The following PLCB4 variants were observed in gnomAD, a reference collection of about 807,000 sequenced individuals.
PLCB4 encodes the protein phospholipase C beta 4, also known as 1-phosphatidylinositol 4,5-bisphosphate phosphodiesterase beta-4.
Under a neutral mutation model 178.8 loss-of-function variants are expected in PLCB4, and 77 were observed. The ratio of observed to expected loss-of-function variants is 0.43; its 90% CI spans 0.36 to 0.52. The LOEUF is 0.52. Ranked by LOEUF, PLCB4 falls within the 20% of genes least tolerant of loss-of-function variation. The pLI is 0.00. For synonymous variants in PLCB4, 496 were observed against 490.8 expected (o/e 1.01, Z -0.14); for missense variants, 1,024 against 1,453.4 (o/e 0.70, Z 4.80).
intron 2 of PLCB4, among the ~76,000 whole-genome samples, chr20:9,135,667 T>C (rs2092367955): frequency 2.0e-5 from 3 of 152,168 alleles, no homozygotes; most frequent in African/African-American, 7.2e-5. Flanking sequence ...ATTGGTTATA[T>C]TTATGCTGTC....
chr20:9,260,246 T>C (rs191546194), intron 3 of PLCB4, among the ~76,000 whole-genome samples: 13 of 152,148 alleles, frequency 8.5e-5, no homozygotes, highest in Admixed American at 5.2e-4. Context: ...TAAGAAAAAA[T>C]AAATAAAATA....
At chr20:9,442,770 C>T (rs2042185818) in intron 30 of PLCB4, among the ~76,000 whole-genome samples, 1 of 152,156 alleles carries the variant, frequency 6.6e-6, no homozygotes, top group Admixed American at 6.5e-5. Flanking sequence ...TAGAGAGCCC[C>T]ATGGACCCTT....
rs151065838 is a variant in PLCB4 at position 9,308,779 on chromosome 20, A to G, written c.84+881A>G. 6.4e-4 allele frequency among the ~76,000 whole-genome samples: 98 copies of G among 152,304 alleles called. No individual in the cohort carries two copies. The Middle Eastern group carries it at 0.014, about 21-fold the overall frequency. On this transcript the variant is annotated intron_variant, in intron 4 of 39. Transcript: ENST00000378473. ...CAGGGTGCATCTCTAGATTTACAGG[A>G]TAGTCACTTTTTAAGTAAACAAAAT...
chr20:9,227,630 G>A (rs1262327451), intron 3 of PLCB4, among the ~76,000 whole-genome samples: 1 of 152,064 alleles, frequency 6.6e-6, no homozygotes, highest in African/African-American at 2.4e-5. Flanking sequence ...TCTATTGGCT[G>A]TAGATTTGTG....
chr20:9,402,288 C>T (rs967718361), intron 20 of PLCB4, among the ~76,000 whole-genome samples: 1 of 152,110 alleles, frequency 6.6e-6, no homozygotes, highest in Admixed American at 6.5e-5. Context: ...GAAACCAGAA[C>T]GCAAAGGGTC....
chr20:9,134,051 C>T lies in PLCB4; in HGVS notation c.-79+37709C>T, dbSNP rs574744658. On this transcript the variant is annotated intron_variant, in intron 2 of 39. Transcript: ENST00000378473. ...CAAGGCACTGTCTTTTGCCCCAAGGCGGCATTAACATTAATTTAGCATAAT... is the reference window on the plus strand; with the variant it reads ...CAAGGCACTGTCTTTTGCCCCAAGGTGGCATTAACATTAATTTAGCATAAT... Among the ~76,000 whole-genome samples the T allele has an allele frequency of 1.7e-4, 26 of 152,304 alleles. No homozygotes were observed. The South Asian group carries it at 2.9e-3, about 17-fold the overall frequency.
At chr20:9,472,951 T>C in intron 37 of PLCB4, 104 bp downstream of exon 37, 1 of 668,650 alleles carries the variant, frequency 1.5e-6, no homozygotes, top group South Asian at 2.1e-5. Context: ...TTGATTTTTC[T>C]GTACATTAAA....
intron 2 of PLCB4, among the ~76,000 whole-genome samples, chr20:9,148,777 G>A (rs1173639214): frequency 6.6e-6 from 1 of 152,146 alleles, no homozygotes; most frequent in South Asian, 2.1e-4. Context: ...CAAAGTAGCT[G>A]TTTTCGTGAT....
intron 12 of PLCB4, among the ~76,000 whole-genome samples, chr20:9,374,342 C>T (rs1331939859): frequency 6.6e-6 from 1 of 152,192 alleles, no homozygotes; most frequent in Non-Finnish European, 1.5e-5. Context: ...ATACAATGTT[C>T]ATAATCTTTA....
chr20:9,464,071 C>A (rs1378346578), intron 35 of PLCB4, among the ~76,000 whole-genome samples: 1 of 152,160 alleles, frequency 6.6e-6, no homozygotes, highest in Non-Finnish European at 1.5e-5. Flanking sequence ...GAAATCACAA[C>A]AAACTATCTC....
At chr20:9,126,128 C>G (rs1264253179) in intron 2 of PLCB4, among the ~76,000 whole-genome samples, 3 of 152,278 alleles carry the variant, frequency 2.0e-5, no homozygotes, top group Non-Finnish European at 4.4e-5. Flanking sequence ...TTTTATTTCA[C>G]TAAATATACT....
intron 15 of PLCB4, among the ~76,000 whole-genome samples, chr20:9,388,135 G>A (rs1380859852): frequency 6.6e-6 from 1 of 152,202 alleles, no homozygotes; most frequent in Non-Finnish European, 1.5e-5. Context: ...CTACTCAGGA[G>A]GCTGAGGCAG....
At chr20:9,447,028 T>A (rs1045276210) in intron 32 of PLCB4, among the ~76,000 whole-genome samples, 1 of 152,226 alleles carries the variant, frequency 6.6e-6, no homozygotes, top group Non-Finnish European at 1.5e-5. Flanking sequence ...CCATATGACG[T>A]GTTTATCCTA....
intron 36 of PLCB4, among the ~76,000 whole-genome samples, chr20:9,471,468 A>G (rs192678909): frequency 6.6e-6 from 1 of 152,134 alleles, no homozygotes; most frequent in Non-Finnish European, 1.5e-5. Context: ...ACAGAGAAAA[A>G]CGCTTTGAAA....
At chr20:9,216,420 T>C (rs1403618311) in intron 2 of PLCB4, among the ~76,000 whole-genome samples, 1 of 152,084 alleles carries the variant, frequency 6.6e-6, no homozygotes, top group African/African-American at 2.4e-5. Flanking sequence ...GGTTTCACCA[T>C]GTTAGCCAGG....
intron 14 of PLCB4, 144 bp downstream of exon 14, chr20:9,384,555 G>A (rs545049582): frequency 2.4e-5 from 15 of 636,196 alleles, no homozygotes; most frequent in South Asian, 1.2e-4. Flanking sequence ...GTCATTTAAC[G>A]TTGAGAAAAG....
chr20:9,323,486 C>T lies in PLCB4; in HGVS notation c.85-13640C>T, dbSNP rs187765206. 9.0e-4 allele frequency among the ~76,000 whole-genome samples: 137 copies of T among 152,300 alleles called. 2 individuals carry two copies. Among genetic ancestry groups the T allele is most frequent in the Admixed American group, 2.6e-4 (4 of 15,308 alleles). ...ATCACTCAACATATTTCATAAGTAC[C>T]TACTATGATCCAGCAATTCCTTAGT... On this transcript the variant is annotated intron_variant, in intron 4 of 39. Coordinates refer to ENST00000378473, the MANE Select transcript of PLCB4 (RefSeq NM_001377142.1).
chr20:9,279,254 G>C (rs1024849548), intron 3 of PLCB4, among the ~76,000 whole-genome samples: 1 of 152,068 alleles, frequency 6.6e-6, no homozygotes, highest in African/African-American at 2.4e-5. Flanking sequence ...CTTCCTATGT[G>C]CAAGGTATTA....
At chr20:9,235,750 C>G (rs1264812013) in intron 3 of PLCB4, among the ~76,000 whole-genome samples, 1 of 152,210 alleles carries the variant, frequency 6.6e-6, no homozygotes, top group Non-Finnish European at 1.5e-5. Flanking sequence ...GCAAGACACA[C>G]TTCATGAACC....
Sources: allele counts gnomAD v4.1 joint callset (sites outside exome capture counted in the v4.1 genomes callset), GRCh38; gene constraint gnomAD v4.1.1; transcripts MANE v1.5; gene names NCBI Gene and HGNC (gene_info 2026-07-23, HGNC 2026-07-21).